Variants in STARD13 observed in about 807,000 individuals in gnomAD.
The protein encoded by STARD13 is StAR related lipid transfer domain containing 13.
In STARD13, 62 loss-of-function variants were observed where a neutral mutation model predicts 106.4. The observed-to-expected ratio is 0.58, with a 90% CI of 0.48 to 0.72. The LOEUF is 0.72. STARD13 is among the 30% of genes least tolerant of loss of function. STARD13 has a pLI of 0.00. For synonymous variants in STARD13, 565 were observed against 553.0 expected (o/e 1.02, Z -0.31); for missense variants, 1,387 against 1,424.0 (o/e 0.97, Z 0.42).
At chr13:33,588,357 A>T in the STARD13 span, among the ~76,000 whole-genome samples, 2 of 152,240 alleles carry the variant, frequency 1.3e-5, no homozygotes, top group Non-Finnish European at 2.9e-5. Context: ...GGTCAGTTCC[A>T]GCCAACTTCA....
the STARD13 span, among the ~76,000 whole-genome samples, chr13:33,581,428 TA>T: frequency 9.2e-5 from 14 of 152,226 alleles, no homozygotes; most frequent in Non-Finnish European, 1.8e-4. Flanking sequence ...TTAATTATCA[TA>T]ATAGACTAAC....
the STARD13 span, among the ~76,000 whole-genome samples, chr13:33,588,619 C>T: frequency 6.6e-6 from 1 of 152,140 alleles, no homozygotes; most frequent in Admixed American, 6.6e-5. Context: ...GTTTCTTTTT[C>T]AGTACCATTG....
the STARD13 span, among the ~76,000 whole-genome samples, chr13:33,630,890 C>T: frequency 6.6e-6 from 1 of 152,136 alleles, no homozygotes; most frequent in Admixed American, 6.6e-5. Context: ...GTTTCCCATC[C>T]TTGTCTTACT....
At chr13:33,636,935 A>G in the STARD13 span, among the ~76,000 whole-genome samples, 1 of 152,168 alleles carries the variant, frequency 6.6e-6, no homozygotes, top group East Asian at 1.9e-4. Context: ...TTATGTAATA[A>G]TGTCAGTGGT....
the STARD13 span, among the ~76,000 whole-genome samples, chr13:33,398,994 AG>A: frequency 6.6e-6 from 1 of 152,214 alleles, no homozygotes; most frequent in Non-Finnish European, 1.5e-5. Flanking sequence ...ACAACTCAAA[AG>A]TCTGTCAACA....
the STARD13 span, among the ~76,000 whole-genome samples, chr13:33,651,833 G>A: frequency 0.013 from 1,931 of 152,248 alleles, 38 homozygotes; most frequent in African/African-American, 0.044. Flanking sequence ...CTCTGCTGGC[G>A]AAAGTAGAGA....
chr13:33,142,986 T>G (rs572771836), intron 3 of STARD13, among the ~76,000 whole-genome samples: 21 of 152,316 alleles, frequency 1.4e-4, no homozygotes, highest in Admixed American at 3.9e-4. Context: ...AGAGGATTAG[T>G]GTCCTTGTAA....
chr13:33,178,645 T>TC (rs1172923242), intron 1 of STARD13, among the ~76,000 whole-genome samples: 3 of 152,358 alleles, frequency 2.0e-5, no homozygotes, highest in South Asian at 2.1e-4. Context: ...TGGACCGTAT[T>TC]CCCACCTCTT....
chr13:33,375,676 C>T, the STARD13 span, among the ~76,000 whole-genome samples: 6 of 152,138 alleles, frequency 3.9e-5, no homozygotes, highest in Non-Finnish European at 7.3e-5. Flanking sequence ...CGTGAGAACT[C>T]ACTATCATGA....
At chr13:33,668,116 C>T in the STARD13 span, among the ~76,000 whole-genome samples, 2 of 152,246 alleles carry the variant, frequency 1.3e-5, no homozygotes, top group African/African-American at 4.8e-5. Flanking sequence ...AGCCTACTCT[C>T]GTTCAAGAGG....
chr13:33,261,983 TAGG>T (rs1890662078), intron 1 of STARD13, among the ~76,000 whole-genome samples: 1 of 152,126 alleles, frequency 6.6e-6, no homozygotes, highest in Non-Finnish European at 1.5e-5. Context: ...AGTGAGAAGT[TAGG>T]AGGAGGAAGA....
At chr13:33,122,287 C>T (rs1029273125) in intron 7 of STARD13, among the ~76,000 whole-genome samples, 2 of 152,356 alleles carry the variant, frequency 1.3e-5, no homozygotes, top group South Asian at 2.1e-4. Context: ...TGCCCTGTTG[C>T]TCATCCTTCT....
the STARD13 span, among the ~76,000 whole-genome samples, chr13:33,625,442 C>T: frequency 7.3e-5 from 11 of 151,192 alleles, no homozygotes; most frequent in East Asian, 1.8e-3. Flanking sequence ...TGGTGGCACA[C>T]GCCTGTAGTC....
the STARD13 span, among the ~76,000 whole-genome samples, chr13:33,529,499 AG>A: frequency 1.3e-5 from 2 of 152,170 alleles, no homozygotes; most frequent in Admixed American, 1.3e-4. Context: ...TCATTCATCC[AG>A]CCAGCCAGTC....
chr13:33,389,149 G>A, the STARD13 span, among the ~76,000 whole-genome samples: 1 of 151,712 alleles, frequency 6.6e-6, no homozygotes, highest in South Asian at 2.1e-4. Context: ...GTAGAGATGG[G>A]ATTTCACCAT....
intron 1 of STARD13, among the ~76,000 whole-genome samples, chr13:33,178,162 A>G (rs1884891722): frequency 6.6e-6 from 1 of 152,206 alleles, no homozygotes; most frequent in East Asian, 1.9e-4. Context: ...TAAGTATACT[A>G]TCTATTTTAC....
chr13:33,548,222 G>A, the STARD13 span, among the ~76,000 whole-genome samples: 1 of 152,202 alleles, frequency 6.6e-6, no homozygotes, highest in Non-Finnish European at 1.5e-5. Context: ...GATAGGGGAA[G>A]TGATTTTTTT....
intron 1 of STARD13, among the ~76,000 whole-genome samples, chr13:33,247,741 A>G (rs1309046343): frequency 6.6e-6 from 1 of 152,094 alleles, no homozygotes; most frequent in Non-Finnish European, 1.5e-5. Flanking sequence ...ACCGTGATTC[A>G]CTCACTCTAC....
the STARD13 span, among the ~76,000 whole-genome samples, chr13:33,379,545 T>A: frequency 6.6e-6 from 1 of 152,226 alleles, no homozygotes; most frequent in Non-Finnish European, 1.5e-5. Context: ...TATCACAACA[T>A]TTAATTGCCT....
Sources: gnomAD v4.1 joint callset for allele counts (sites outside exome capture counted in the v4.1 genomes callset) on GRCh38, gnomAD v4.1.1 for gene constraint, MANE v1.5 for transcripts, NCBI Gene and HGNC (gene_info 2026-07-23, HGNC 2026-07-21) for gene names.